ZNF471: variants seen among roughly 807,000 people sequenced by gnomAD.
The protein encoded by ZNF471 is EZFIT-related protein 1.
A neutral mutation model predicts 13.7 loss-of-function variants in ZNF471; 7 were observed. The ratio of observed to expected loss-of-function variants is 0.51; its 90% CI spans 0.29 to 0.96. ZNF471 has a LOEUF of 0.96. ZNF471 is among the 40% of genes least tolerant of loss of function. ZNF471 has a pLI of 0.08. For missense variants in ZNF471, 663 were observed against 743.3 expected, an observed-to-expected ratio of 0.89 and a Z score of 1.26; for synonymous variants, 218 against 235.6, an observed-to-expected ratio of 0.93 and a Z score of 0.68.
Position 56,524,801 on chromosome 19 carries a change from A to G in ZNF471, c.734A>G (p.Gln245Arg), listed in dbSNP as rs1049314946. Residue 245 changes from glutamine to arginine, a missense_variant, in exon 5 of 5, where the codon CAA (glutamine) becomes CGA (arginine). Coordinates refer to ENST00000308031, the MANE Select transcript of ZNF471 (RefSeq NM_020813.4). This position sits in a 1 kb window ranked among gnomAD's most constrained non-coding sequence, Gnocchi z 4.8. ...GAGGAATGTGGAAAAGCCTTCAAGCAAAGGCAACACCTTGCTCAACATCAC... is the reference window on the plus strand; with the variant it reads ...GAGGAATGTGGAAAAGCCTTCAAGCGAAGGCAACACCTTGCTCAACATCAC... Reference protein sequence around the residue: ...ACEECGKAFKQRQHLAQHHRT... With the variant: ...ACEECGKAFKRRQHLAQHHRT... 1 of 1,613,100 alleles carries G rather than the reference A, an allele frequency of 6.2e-7. No homozygotes were observed. The highest frequency in any genetic ancestry group is 8.5e-7 in the Non-Finnish European group (1 of 1,179,662).
chr19:56,516,517 G>A lies in ZNF471; in HGVS notation c.160+116G>A. 1 of 934,358 alleles carries A rather than the reference G, an allele frequency of 1.1e-6. No individual in the cohort carries two copies. Among genetic ancestry groups the A allele is most frequent in the Non-Finnish European group, 1.6e-6 (1 of 636,726 alleles). 57.9% of individuals were successfully genotyped at this position (934,358 alleles called of 1,614,324 possible). ...AATGGAATTTGGGAATGGAATCTGA[G>A]AAACAGAGGATATTGAGGGACTGAA... On this transcript the variant is annotated intron_variant, in intron 3 of 4. Coordinates refer to ENST00000308031, the MANE Select transcript of ZNF471 (RefSeq NM_020813.4). The surrounding 1 kb of genome is among the most constrained non-coding windows in gnomAD (Gnocchi z 4.4).
Position 56,507,887 on chromosome 19 carries a change from G to T in ZNF471, c.-89G>T. The T allele has an allele frequency of 2.0e-6, 2 of 985,662 alleles. No homozygotes were observed. Among genetic ancestry groups the T allele is most frequent in the Non-Finnish European group, 2.4e-6 (2 of 830,078 alleles). The allele number at this position is 985,662 out of a possible 1,614,324, so 61.1% of individuals were successfully genotyped here. ...CAGCGTCGACTCACGGAGTCCTTCGGATGAGAGCGTCTGGGTGCCAGACGA... is the reference window on the plus strand; with the variant it reads ...CAGCGTCGACTCACGGAGTCCTTCGTATGAGAGCGTCTGGGTGCCAGACGA... On this transcript the variant is annotated 5_prime_UTR_variant, in exon 1 of 5. Coordinates refer to ENST00000308031, the MANE Select transcript of ZNF471 (RefSeq NM_020813.4).
intron 4 of ZNF471, among the ~76,000 whole-genome samples, chr19:56,523,185 A>C (rs1251133380): frequency 1.3e-5 from 2 of 152,142 alleles, no homozygotes; most frequent in Admixed American, 6.5e-5. Flanking sequence ...TCATTTCTTC[A>C]AAAGGGGAAA....
At chr19:56,511,150 T>G (rs1405026284) in intron 1 of ZNF471, among the ~76,000 whole-genome samples, 3 of 151,550 alleles carry the variant, frequency 2.0e-5, no homozygotes, top group African/African-American at 7.3e-5. Context: ...GAGCCAGATT[T>G]TCAAACAGTA....
chr19:56,515,810 C>T (rs1434617390), intron 2 of ZNF471, among the ~76,000 whole-genome samples: 1 of 152,118 alleles, frequency 6.6e-6, no homozygotes, highest in African/African-American at 2.4e-5. Flanking sequence ...GTTCTACCAA[C>T]CGTGGGTGGA....
intron 3 of ZNF471, among the ~76,000 whole-genome samples, chr19:56,517,288 C>CA (rs2043903848): frequency 6.9e-6 from 1 of 145,984 alleles, no homozygotes; most frequent in South Asian, 2.2e-4. Flanking sequence ...CCCACCACCA[C>CA]ACCCAGCTAA....
intron 3 of ZNF471, among the ~76,000 whole-genome samples, chr19:56,517,464 G>T (rs2043908519): frequency 6.6e-6 from 1 of 151,896 alleles, no homozygotes; most frequent in Admixed American, 6.6e-5. Flanking sequence ...CACCACACCT[G>T]GCTAATTTTT....
chr19:56,509,837 C>T, intron 1 of ZNF471: 1 of 985,054 alleles, frequency 1.0e-6, no homozygotes, highest in African/African-American at 1.7e-5. Flanking sequence ...CTCTTTGTCA[C>T]CTGAGTGTGT....
At position 56,525,695 on chromosome 19, in the gene ZNF471, A is replaced by G. The variant is rs953164169; in HGVS notation, c.1628A>G (p.Tyr543Cys). The change falls in exon 5 of 5, where the codon TAT becomes TGT. Residue 543 changes from tyrosine (Y) to cysteine (C), a missense_variant. Transcript: ENST00000308031. ...HQKTHTGEKP[Y>C]ECNECGKAFS... ...AAAACTCATACAGGAGAGAAACCTT[A>G]TGAGTGTAATGAATGCGGGAAAGCC... The G allele has an allele frequency of 1.2e-6, 2 of 1,614,032 alleles. No individual in the cohort carries two copies. Among genetic ancestry groups the G allele is most frequent in the African/African-American group, 1.3e-5 (1 of 75,044 alleles).
Position 56,520,901 on chromosome 19 carries a change from C to T in ZNF471, c.256+2324C>T, listed in dbSNP as rs1447316861. Among the ~76,000 whole-genome samples, 3 of 152,170 alleles carry T rather than the reference C, an allele frequency of 2.0e-5. 1 individual carries two copies. Among genetic ancestry groups the T allele is most frequent in the Non-Finnish European group, 4.4e-5 (3 of 68,028 alleles). On this transcript the variant is annotated intron_variant, in intron 4 of 4. Coordinates refer to ENST00000308031, the MANE Select transcript of ZNF471 (RefSeq NM_020813.4). Reference sequence around the variant, plus strand: ...TCTCAAGCTGCTAATAAAGACATACCTGAGACTGGGTAGTTTATAAAGGAA... The same window carrying T: ...TCTCAAGCTGCTAATAAAGACATACTTGAGACTGGGTAGTTTATAAAGGAA...
chr19:56,520,646 G>T (rs1484040077), intron 4 of ZNF471, among the ~76,000 whole-genome samples: 1 of 151,998 alleles, frequency 6.6e-6, no homozygotes, highest in Non-Finnish European at 1.5e-5. Context: ...CTCATGAGTG[G>T]GATTATTACC....
chr19:56,508,345 T>C lies in ZNF471; in HGVS notation c.-56+425T>C, dbSNP rs1332765047. Reference sequence around the variant, plus strand: ...GAGAGACCAGTGAGTGTGAGAGAGATAGGGATGTGCCTGCATTTGAAAGAG... The same window carrying C: ...GAGAGACCAGTGAGTGTGAGAGAGACAGGGATGTGCCTGCATTTGAAAGAG... On this transcript the variant is annotated intron_variant, in intron 1 of 4. Transcript: ENST00000308031. The surrounding 1 kb of genome is among the most constrained non-coding windows in gnomAD (Gnocchi z 4.7). Among the ~76,000 whole-genome samples, 1 of 144,048 alleles carries C rather than the reference T, an allele frequency of 6.9e-6. No individual in the cohort carries two copies. The highest frequency in any genetic ancestry group is 2.6e-5 in the African/African-American group (1 of 38,256). The allele number at this position is 144,048 out of a possible 152,430, so 94.5% of individuals were successfully genotyped here.
chr19:56,511,001 G>A, intron 1 of ZNF471: 4 of 985,678 alleles, frequency 4.1e-6, no homozygotes, highest in Non-Finnish European at 4.8e-6. Context: ...GTGCCGGGGG[G>A]TGGGTCAGGG....
chr19:56,510,182 T>A lies in ZNF471; in HGVS notation c.-55-1335T>A, dbSNP rs2043791672. 9.1e-6 allele frequency: 9 copies of A among 985,476 alleles called. No homozygotes were observed. The highest frequency in any genetic ancestry group is 1.1e-5 in the Non-Finnish European group (9 of 829,992). The allele number at this position is 985,476 out of a possible 1,614,324, so 61.0% of individuals were successfully genotyped here. On this transcript the variant is annotated intron_variant, in intron 1 of 4. Coordinates refer to ENST00000308031, the MANE Select transcript of ZNF471 (RefSeq NM_020813.4). This position sits in a 1 kb window ranked among gnomAD's most constrained non-coding sequence, Gnocchi z 4.3. Reference sequence around the variant, plus strand: ...CAGTATGTATTTTGTGTGCATGAGATAAAGCAGTTGGAATATGAGAGATCA... The same window carrying A: ...CAGTATGTATTTTGTGTGCATGAGAAAAAGCAGTTGGAATATGAGAGATCA...
chr19:56,527,366 G>A lies in ZNF471; in HGVS notation c.*1418G>A, dbSNP rs2044060567. On this transcript the variant is annotated 3_prime_UTR_variant, in exon 5 of 5. Transcript: ENST00000308031. The stretch of plus-strand genomic sequence containing the variant: ...AGGTAGATAAATTCACGAAGATGAG[G>A]AGAAACCAGTGCAAAAAGCCTGAAA... The A allele has an allele frequency of 6.6e-6, 1 of 152,186 alleles. No individual in the cohort carries two copies. Among genetic ancestry groups the A allele is most frequent in the Admixed American group, 6.5e-5 (1 of 15,278 alleles). 9.4% of individuals were successfully genotyped at this position (152,186 alleles called of 1,614,324 possible). A position where few individuals can be genotyped will look rare whatever the true frequency, so the allele number is the denominator to read the frequency against.
In ZNF471 at chr19:56,516,521, CAG is replaced by C. The variant is rs570028471; in HGVS notation, c.160+123_160+124del. 3.7e-5 allele frequency: 34 copies of C among 917,818 alleles called. No individual in the cohort carries two copies. The highest frequency in any genetic ancestry group is 2.7e-4 in the Middle Eastern group (1 of 3,768). 56.9% of individuals were successfully genotyped at this position (917,818 alleles called of 1,614,324 possible). A position where few individuals can be genotyped will look rare whatever the true frequency, so the allele number is the denominator to read the frequency against. On this transcript the variant is annotated intron_variant, in intron 3 of 4. Coordinates refer to ENST00000308031, the MANE Select transcript of ZNF471 (RefSeq NM_020813.4). This position sits in a 1 kb window ranked among gnomAD's most constrained non-coding sequence, Gnocchi z 4.4. ...GAATTTGGGAATGGAATCTGAGAAA[CAG>C]AGGATATTGAGGGACTGAAGAAAAC...
At position 56,525,726 on chromosome 19, in the gene ZNF471, C is replaced by G. The variant is rs1236305939; in HGVS notation, c.1659C>G (p.Ser553Arg). Reference sequence around the variant, plus strand: ...GTAATGAATGCGGGAAAGCCTTCAGCCAAACTTCCAATCTTACTCAACATC... The same window carrying G: ...GTAATGAATGCGGGAAAGCCTTCAGGCAAACTTCCAATCTTACTCAACATC... The part of the protein sequence containing the change: ...YECNECGKAF[S>R]QTSNLTQHQR... Residue 553 changes from serine (S) to arginine (R), a missense_variant, in exon 5 of 5, where the codon AGC becomes AGG. Ser to Arg is a moderately radical substitution (Grantham distance 110). Coordinates refer to ENST00000308031, the MANE Select transcript of ZNF471 (RefSeq NM_020813.4). 6.2e-7 allele frequency: 1 copy of G among 1,613,538 alleles called. No individual in the cohort carries two copies. The highest frequency in any genetic ancestry group is 2.2e-5 in the East Asian group (1 of 44,880).
Position 56,525,221 on chromosome 19 carries a change from G to A in ZNF471, c.1154G>A (p.Ser385Asn). The change falls in exon 5 of 5, where the codon AGT (serine) becomes AAT (asparagine). Residue 385 changes from serine to asparagine, a missense_variant. Physicochemically the swap from Ser to Asn is conservative, Grantham distance 46 (BLOSUM62 1). Coordinates refer to ENST00000308031, the MANE Select transcript of ZNF471 (RefSeq NM_020813.4). ...TGCATTGATTGTGGGAAAGCCTTCA[G>A]TGTTCACATAGGACTTATTCTGCAT... is the stretch of plus-strand genomic sequence containing the variant. ...FNCIDCGKAF[S>N]VHIGLILHRR... The A allele has an allele frequency of 6.2e-7, 1 of 1,614,080 alleles. No homozygotes were observed. Among genetic ancestry groups the A allele is most frequent in the Non-Finnish European group, 8.5e-7 (1 of 1,180,000 alleles).
chr19:56,509,583 G>A (rs2043781184), intron 1 of ZNF471, among the ~76,000 whole-genome samples: 1 of 152,146 alleles, frequency 6.6e-6, no homozygotes, highest in East Asian at 1.9e-4. Context: ...CCCTCAACCT[G>A]TGGGATCTTA....
Sources: gnomAD v4.1 joint callset for allele counts (sites outside exome capture counted in the v4.1 genomes callset) on GRCh38, gnomAD v4.1.1 for gene constraint, Gnocchi (gnomAD v3.1) non-coding constraint, MANE v1.5 for transcripts, NCBI Gene and HGNC (gene_info 2026-07-23, HGNC 2026-07-21) for gene names.